Variants in CTNNA2 observed in about 807,000 individuals in gnomAD.
CTNNA2 encodes catenin alpha-2.
CTNNA2 carries 42 observed loss-of-function variants against 101.0 expected under a neutral mutation model. The observed-to-expected ratio is 0.42, with a 90% CI of 0.32 to 0.54. The LOEUF (loss-of-function observed/expected upper bound fraction) is 0.54, where lower values mean the gene tolerates loss of function less well. CTNNA2 is among the 20% of genes least tolerant of loss of function. CTNNA2 has a pLI of 0.14. For synonymous variants in CTNNA2, 450 were observed against 456.4 expected (o/e 0.99, Z 0.18); for missense variants, 871 against 1,223.1 (o/e 0.71, Z 4.29).
chr2:80,271,244 T>C (rs1437140195), intron 7 of CTNNA2, among the ~76,000 whole-genome samples: 1 of 152,156 alleles, frequency 6.6e-6, no homozygotes, highest in Admixed American at 6.5e-5. Context: ...TTGTAACATA[T>C]GTAGTGGTGG....
At chr2:79,952,840 G>T (rs1688977376) in intron 7 of CTNNA2, among the ~76,000 whole-genome samples, 1 of 152,194 alleles carries the variant, frequency 6.6e-6, no homozygotes, top group African/African-American at 2.4e-5. Context: ...CTGAAAAGAT[G>T]AAAGTATTTA....
chr2:79,956,749 A>C (rs1689247424), intron 7 of CTNNA2, among the ~76,000 whole-genome samples: 1 of 152,066 alleles, frequency 6.6e-6, no homozygotes, highest in Non-Finnish European at 1.5e-5. Context: ...GCAAATAAAG[A>C]TAGCTATTCC....
intron 16 of CTNNA2, among the ~76,000 whole-genome samples, chr2:80,604,509 G>T (rs983359103): frequency 4.6e-5 from 7 of 151,892 alleles, no homozygotes; most frequent in Non-Finnish European, 8.8e-5. Context: ...AATGAAGGGG[G>T]GAAAAGCAGG....
At chr2:79,294,467 A>C (rs550806190) in intron 2 of CTNNA2, among the ~76,000 whole-genome samples, 1 of 152,276 alleles carries the variant, frequency 6.6e-6, no homozygotes, top group East Asian at 1.9e-4. Context: ...GGAGTGGGAC[A>C]CAATTTAGTC....
At chr2:80,546,975 A>G (rs1403741034) in intron 11 of CTNNA2, among the ~76,000 whole-genome samples, 1 of 152,182 alleles carries the variant, frequency 6.6e-6, no homozygotes, top group Non-Finnish European at 1.5e-5. Flanking sequence ...ACTAGCCCTG[A>G]TGACCTGCTG....
intron 2 of CTNNA2, among the ~76,000 whole-genome samples, chr2:79,701,926 C>T (rs1358464893): frequency 2.1e-5 from 3 of 144,490 alleles, no homozygotes; most frequent in Admixed American, 7.3e-5. Context: ...TTCTTGAATC[C>T]GGGAGATGGG....
chr2:79,796,884 G>A (rs1675749992), intron 3 of CTNNA2, among the ~76,000 whole-genome samples: 1 of 152,146 alleles, frequency 6.6e-6, no homozygotes, highest in Non-Finnish European at 1.5e-5. Flanking sequence ...CCCTCCAGGA[G>A]ATGGAACAGT....
intron 3 of CTNNA2, among the ~76,000 whole-genome samples, chr2:79,337,356 A>T (rs1000278288): frequency 6.6e-6 from 1 of 152,220 alleles, no homozygotes; most frequent in African/African-American, 2.4e-5. Flanking sequence ...TTCAACAAGC[A>T]AAAACCAATC....
At chr2:80,203,509 C>A (rs954342067) in intron 7 of CTNNA2, among the ~76,000 whole-genome samples, 1 of 152,208 alleles carries the variant, frequency 6.6e-6, no homozygotes, top group Non-Finnish European at 1.5e-5. Flanking sequence ...TCTTAAAGCT[C>A]TAAAATGATC....
intron 4 of CTNNA2, among the ~76,000 whole-genome samples, chr2:79,435,383 G>A (rs1678702705): frequency 6.6e-6 from 1 of 151,976 alleles, no homozygotes; most frequent in African/African-American, 2.4e-5. Context: ...TGTCCAATTT[G>A]GTGTCCCATC....
intron 7 of CTNNA2, among the ~76,000 whole-genome samples, chr2:79,917,647 T>A (rs1686347194): frequency 6.6e-6 from 1 of 152,118 alleles, no homozygotes; most frequent in Non-Finnish European, 1.5e-5. Flanking sequence ...ATGATCATAC[T>A]CCCTTTCTAA....
Position 80,135,497 on chromosome 2 carries a change from C to A in CTNNA2, c.1056+225700C>A, listed in dbSNP as rs554504577. 5.9e-5 allele frequency among the ~76,000 whole-genome samples: 9 copies of A among 152,312 alleles called. No homozygotes were observed. The East Asian group carries it at 1.5e-3, about 26-fold the overall frequency. On this transcript the variant is annotated intron_variant, in intron 7 of 18. Coordinates refer to ENST00000402739, the MANE Select transcript of CTNNA2 (RefSeq NM_001282597.3). ...AGGTCTGTAGAGGAATCCTGCCTTACTGAGGTTGGGCAGATGTCCCACGTC... is the reference window on the plus strand; with the variant it reads ...AGGTCTGTAGAGGAATCCTGCCTTAATGAGGTTGGGCAGATGTCCCACGTC...
intron 18 of CTNNA2, among the ~76,000 whole-genome samples, chr2:80,620,338 G>C (rs1670985842): frequency 6.6e-6 from 1 of 151,436 alleles, no homozygotes; most frequent in Non-Finnish European, 1.5e-5. Flanking sequence ...TAAAAATGAA[G>C]AGTCCTTTCT....
At chr2:79,307,342 G>A (rs58388168) in intron 2 of CTNNA2, among the ~76,000 whole-genome samples, 2 of 103,220 alleles carry the variant, frequency 1.9e-5, no homozygotes, top group Admixed American at 9.2e-5. Context: ...TTACTCCTCC[G>A]ATCTAGCTGT....
At chr2:80,049,028 A>AAG (rs1696703864) in intron 7 of CTNNA2, among the ~76,000 whole-genome samples, 1 of 152,210 alleles carries the variant, frequency 6.6e-6, no homozygotes, top group African/African-American at 2.4e-5. Flanking sequence ...TCTAGGGGCA[A>AAG]AGAGGAGGCA....
At chr2:79,281,515 C>T (rs1235150624) in intron 2 of CTNNA2, 1 of 152,190 alleles carries the variant, frequency 6.6e-6, no homozygotes, top group African/African-American at 2.4e-5. Context: ...AATAAAGCAA[C>T]AAAGAACTGC....
At chr2:79,667,968 C>T (rs1016578377) in intron 2 of CTNNA2, among the ~76,000 whole-genome samples, 2 of 151,022 alleles carry the variant, frequency 1.3e-5, no homozygotes, top group Admixed American at 6.6e-5. Context: ...AGGCCGGGCG[C>T]GGTGGCTCAC....
chr2:79,689,360 CT>C (rs1221340226), intron 2 of CTNNA2, among the ~76,000 whole-genome samples: 1 of 151,888 alleles, frequency 6.6e-6, no homozygotes, highest in Non-Finnish European at 1.5e-5. Context: ...AGACTCTGGG[CT>C]TTTATTTTGG....
intron 2 of CTNNA2, among the ~76,000 whole-genome samples, chr2:79,278,594 T>G (rs1573017600): frequency 6.6e-6 from 1 of 152,140 alleles, no homozygotes; most frequent in Non-Finnish European, 1.5e-5. Flanking sequence ...AAGTCCCCGT[T>G]GTACTTGTTT....
Sources: allele counts gnomAD v4.1 joint callset (sites outside exome capture counted in the v4.1 genomes callset), GRCh38; gene constraint gnomAD v4.1.1; transcripts MANE v1.5; gene names NCBI Gene and HGNC (gene_info 2026-07-23, HGNC 2026-07-21).